Variants in RBFOX1 observed in about 807,000 individuals in gnomAD.
The protein encoded by RBFOX1 is RNA binding fox-1 homolog 1, also known as RNA binding protein fox-1 homolog 1.
Under a neutral mutation model 57.7 loss-of-function variants are expected in RBFOX1, and 8 were observed. That is an observed-to-expected ratio of 0.14 (90% CI 0.08 to 0.25). RBFOX1 has a LOEUF of 0.25. Ranked by LOEUF, RBFOX1 falls within the 10% of genes least tolerant of loss-of-function variation. The probability of loss-of-function intolerance (pLI) is 1.00; values close to 1 mark genes in which losing one functional copy is unlikely to be tolerated. For missense variants in RBFOX1, 611 were observed against 548.5 expected, an observed-to-expected ratio of 1.11 and a Z score of -1.14; for synonymous variants, 326 against 222.4, an observed-to-expected ratio of 1.47 and a Z score of -4.15.
intron 3 of RBFOX1, among the ~76,000 whole-genome samples, chr16:6,919,948 C>T (rs1038528229): frequency 2.6e-5 from 4 of 152,016 alleles, no homozygotes; most frequent in African/African-American, 9.7e-5. Flanking sequence ...CACTTTTCCC[C>T]TCTGAGTCCC....
At chr16:7,428,816 C>T (rs927757754) in intron 4 of RBFOX1, among the ~76,000 whole-genome samples, 4 of 152,004 alleles carry the variant, frequency 2.6e-5, no homozygotes, top group South Asian at 2.1e-4. Flanking sequence ...CTCTGAGACT[C>T]AGTCTTACTC....
chr16:7,684,662 C>T (rs1480533876), intron 14 of RBFOX1, among the ~76,000 whole-genome samples: 1 of 151,740 alleles, frequency 6.6e-6, no homozygotes, highest in Non-Finnish European at 1.5e-5. Flanking sequence ...TTCTAACATC[C>T]TCTCAATTCT....
chr16:7,095,696 G>C lies in RBFOX1; in HGVS notation c.27+43598G>C, dbSNP rs113650211. Reference sequence around the variant, plus strand: ...AAGGTCTTGGTTGATCACTCGATAAGTAGCAATTTGTTTTTTAATTCATTT... The same window carrying C: ...AAGGTCTTGGTTGATCACTCGATAACTAGCAATTTGTTTTTTAATTCATTT... On this transcript the variant is annotated intron_variant, in intron 4 of 15. Coordinates refer to ENST00000550418, the MANE Select transcript of RBFOX1 (RefSeq NM_018723.4). 3.7e-3 allele frequency among the ~76,000 whole-genome samples: 563 copies of C among 152,280 alleles called. 3 individuals are homozygous for C. The highest frequency in any genetic ancestry group is 0.013 in the African/African-American group (541 of 41,568).
intron 1 of RBFOX1, among the ~76,000 whole-genome samples, chr16:6,222,683 T>TC (rs1567712271): frequency 8.9e-6 from 1 of 111,756 alleles, no homozygotes; most frequent in African/African-American, 3.2e-5. Context: ...TTTTCTTTTC[T>TC]TTTATTATTA....
chr16:5,853,456 C>T (rs1035285120), intron 3 of RBFOX1, among the ~76,000 whole-genome samples: 2 of 152,180 alleles, frequency 1.3e-5, no homozygotes, highest in Non-Finnish European at 2.9e-5. Context: ...CTGGTCTCAG[C>T]CTGAGTCGGA....
At chr16:6,548,164 C>T (rs1210574364) in intron 2 of RBFOX1, among the ~76,000 whole-genome samples, 2 of 152,122 alleles carry the variant, frequency 1.3e-5, no homozygotes, top group African/African-American at 4.8e-5. Context: ...TACTGACATG[C>T]CTTGAATATT....
chr16:7,483,671 T>C (rs185439767), intron 4 of RBFOX1, among the ~76,000 whole-genome samples: 13 of 152,324 alleles, frequency 8.5e-5, no homozygotes, highest in African/African-American at 1.9e-4. Flanking sequence ...TTGGGAAATA[T>C]TGGTATTTTA....
At chr16:7,470,980 T>C (rs937843300) in intron 4 of RBFOX1, among the ~76,000 whole-genome samples, 3 of 152,132 alleles carry the variant, frequency 2.0e-5, no homozygotes, top group African/African-American at 7.2e-5. Flanking sequence ...GTCTTTTCCA[T>C]GATCCTACTG....
At chr16:7,112,892 T>C (rs1387861644) in intron 4 of RBFOX1, among the ~76,000 whole-genome samples, 1 of 152,112 alleles carries the variant, frequency 6.6e-6, no homozygotes, top group Admixed American at 6.6e-5. Context: ...ATAATGCTAC[T>C]TACCTAATTT....
intron 3 of RBFOX1, among the ~76,000 whole-genome samples, chr16:5,837,215 A>G (rs1331254865): frequency 3.4e-5 from 5 of 148,214 alleles, no homozygotes; most frequent in African/African-American, 1.2e-4. Context: ...GGCTTTGCAC[A>G]CGCTCTCTAT....
chr16:5,458,458 G>A (rs1450752805), intron 1 of RBFOX1, among the ~76,000 whole-genome samples: 1 of 152,198 alleles, frequency 6.6e-6, no homozygotes, highest in Admixed American at 6.5e-5. Context: ...GCTATATAAT[G>A]TATTGTGCTG....
intron 2 of RBFOX1, among the ~76,000 whole-genome samples, chr16:6,340,848 T>TCACATGCCTTTG (rs879765365): frequency 1.3e-5 from 2 of 152,196 alleles, no homozygotes; most frequent in Non-Finnish European, 2.9e-5. Context: ...TTGCCCTTGT[T>TCACATGCCTTTG]CACATGCCTT....
intron 4 of RBFOX1, among the ~76,000 whole-genome samples, chr16:5,925,737 T>C (rs2058927019): frequency 6.6e-6 from 1 of 152,224 alleles, no homozygotes. Flanking sequence ...TAATTGTATG[T>C]GTAAAACCAG....
In RBFOX1 at chr16:7,655,944, T is replaced by A. The variant is rs535256643; in HGVS notation, c.890+1997T>A. ...TTTGCTGGGAATAACCATGCATAAC[T>A]AATTAATGCCATGTTTCACCAGGGA... On this transcript the variant is annotated intron_variant, in intron 12 of 15. Transcript: ENST00000550418. Among the ~76,000 whole-genome samples, 22 of 152,376 alleles carry A rather than the reference T, an allele frequency of 1.4e-4. No individual in the cohort carries two copies. The South Asian group carries it at 2.7e-3, about 19-fold the overall frequency.
Position 7,052,108 on chromosome 16 carries a change from C to G in RBFOX1, c.27+10C>G. ...AAGAGAGCAGCTAAGGGTAGGTGCACCTGCTTGTAAAATGCTTCCTGATTC... is the reference window on the plus strand; with the variant it reads ...AAGAGAGCAGCTAAGGGTAGGTGCAGCTGCTTGTAAAATGCTTCCTGATTC... On this transcript the variant is annotated intron_variant, in intron 4 of 15. Coordinates refer to ENST00000550418, the MANE Select transcript of RBFOX1 (RefSeq NM_018723.4). The G allele has an allele frequency of 1.3e-6, 2 of 1,595,070 alleles. No homozygotes were observed. The highest frequency in any genetic ancestry group is 1.7e-6 in the Non-Finnish European group (2 of 1,174,858).
At chr16:7,629,236 G>A (rs2060548545) in intron 10 of RBFOX1, among the ~76,000 whole-genome samples, 1 of 152,162 alleles carries the variant, frequency 6.6e-6, no homozygotes, top group African/African-American at 2.4e-5. Context: ...AAAGAATTGT[G>A]TCTGGTTTAC....
chr16:5,824,471 A>G (rs1415557006), intron 3 of RBFOX1, among the ~76,000 whole-genome samples: 1 of 152,154 alleles, frequency 6.6e-6, no homozygotes, highest in Non-Finnish European at 1.5e-5. Flanking sequence ...GCACATTCCC[A>G]GGGCCCCAGT....
intron 3 of RBFOX1, among the ~76,000 whole-genome samples, chr16:6,954,313 T>C (rs771312862): frequency 2.6e-5 from 4 of 152,150 alleles, no homozygotes; most frequent in Non-Finnish European, 5.9e-5. Context: ...TGCTTATTTA[T>C]GGCGTTTTAA....
intron 13 of RBFOX1, among the ~76,000 whole-genome samples, chr16:7,671,871 G>C (rs1597745158): frequency 1.3e-5 from 2 of 152,216 alleles, no homozygotes. Context: ...CCTCAGCCAT[G>C]AGCTTTGTTA....
Sources: allele counts gnomAD v4.1 joint callset (sites outside exome capture counted in the v4.1 genomes callset), GRCh38; gene constraint gnomAD v4.1.1; transcripts MANE v1.5; gene names NCBI Gene and HGNC (gene_info 2026-07-23, HGNC 2026-07-21).